Variants in TAF2 observed in about 807,000 individuals in gnomAD.
The protein encoded by TAF2 is TATA-box binding protein associated factor 2, also known as transcription initiation factor TFIID subunit 2.
TAF2 carries 61 observed loss-of-function variants against 138.5 expected under a neutral mutation model. The ratio of observed to expected loss-of-function variants is 0.44; its 90% CI spans 0.36 to 0.54. The LOEUF is 0.54. TAF2 is among the 20% of genes least tolerant of loss of function. TAF2 has a pLI of 0.00. For missense variants in TAF2, 1,090 were observed against 1,427.9 expected, an observed-to-expected ratio of 0.76 and a Z score of 3.81; for synonymous variants, 475 against 469.9, an observed-to-expected ratio of 1.01 and a Z score of -0.14.
In TAF2 at chr8:119,799,899, C is replaced by T. The variant is rs1236699657; in HGVS notation, c.792+1895G>A. Among the ~76,000 whole-genome samples, 30 of 152,270 alleles carry T rather than the reference C, an allele frequency of 2.0e-4. 1 individual carries two copies. Among genetic ancestry groups the T allele is most frequent in the Non-Finnish European group, 3.4e-4 (23 of 68,018 alleles). On this transcript the variant is annotated intron_variant, in intron 6 of 25. Transcript: ENST00000378164. ...GTTTTGATTTGCATTTCTCTGATGG[C>T]CAGTGATGATGAGCATTTTTTCATG...
rs568470659 is a variant in TAF2, at chr8:119,781,187, T to C, written c.2119A>G (p.Asn707Asp). The change falls in exon 17 of 26, where the codon AAT (asparagine) becomes GAT (aspartate). Residue 707 changes from asparagine (N) to aspartate (D), a missense_variant. Asn to Asp is a conservative substitution (Grantham distance 23, BLOSUM62 1). Transcript: ENST00000378164. ...SACFCLAKIA[N>D]SMVSTWTGPP... ...CCTGTCCATGTGCTCACCATTGAAT[T>C]TGCAATCTGCAAATAATTAGAAAAC... The C allele has an allele frequency of 6.8e-6, 11 of 1,613,968 alleles. No individual in the cohort carries two copies. The highest frequency in any genetic ancestry group is 1.3e-5 in the African/African-American group (1 of 74,916).
intron 18 of TAF2, among the ~76,000 whole-genome samples, chr8:119,777,382 C>T (rs2131118498): frequency 6.6e-6 from 1 of 152,164 alleles, no homozygotes; most frequent in South Asian, 2.1e-4. Flanking sequence ...GGTGTAAAAT[C>T]AGACTAATAT....
intron 25 of TAF2, among the ~76,000 whole-genome samples, chr8:119,735,728 T>C (rs1048475341): frequency 3.9e-5 from 6 of 152,200 alleles, no homozygotes; most frequent in Admixed American, 6.6e-5. Flanking sequence ...GACAAAAATA[T>C]TGAGATTATC....
At chr8:119,781,301 A>G in intron 16 of TAF2, 108 bp from the exon 17 acceptor site, 1 of 1,219,492 alleles carries the variant, frequency 8.2e-7, no homozygotes, top group Non-Finnish European at 1.2e-6. Context: ...TGGGTTTTCA[A>G]CAACTTCACT....
intron 2 of TAF2, among the ~76,000 whole-genome samples, chr8:119,820,988 A>G (rs1270679742): frequency 5.3e-5 from 8 of 151,390 alleles, no homozygotes; most frequent in Non-Finnish European, 1.0e-4. Flanking sequence ...CAGCTGAAAG[A>G]TAAGATTTAG....
At position 119,732,084 on chromosome 8, in the gene TAF2, T is replaced by C. The variant is rs1257441521; in HGVS notation, c.3440A>G (p.His1147Arg). The C allele has an allele frequency of 1.9e-6, 3 of 1,614,180 alleles. No individual in the cohort carries two copies. The highest frequency in any genetic ancestry group is 2.5e-6 in the Non-Finnish European group (3 of 1,180,038). ...CTTGTGCTCATGGTGATGGTGGTGA[T>C]GGTGGTCACTGTGTTTGGAGGCTGT... ...ESTASKHSDH[H>R]HHHHHEHKKK... is the part of the protein sequence containing the mutation. The change falls in exon 26 of 26, where the codon CAT becomes CGT. Residue 1147 changes from histidine (H) to arginine (R), a missense_variant. This residue lies in a region of TAF2 where 580 missense variants were observed against 719.6 expected (regional missense o/e 0.81). Transcript: ENST00000378164.
intron 2 of TAF2, among the ~76,000 whole-genome samples, chr8:119,820,417 G>A (rs945762932): frequency 1.3e-5 from 2 of 152,060 alleles, no homozygotes; most frequent in African/African-American, 2.4e-5. Context: ...CCAGGTACCA[G>A]ACATTACACT....
chr8:119,796,810 T>A (rs1425805627), intron 8 of TAF2, among the ~76,000 whole-genome samples, 180 bp downstream of exon 8: 2 of 152,094 alleles, frequency 1.3e-5, no homozygotes, highest in East Asian at 3.8e-4. Context: ...GTGACTATAT[T>A]GATTTCATGG....
At chr8:119,778,544 C>T (rs1350758577) in intron 17 of TAF2, among the ~76,000 whole-genome samples, 1 of 152,212 alleles carries the variant, frequency 6.6e-6, no homozygotes, top group Admixed American at 6.5e-5. Flanking sequence ...CTAAGCTCTA[C>T]TACCTTCTGT....
intron 19 of TAF2, 132 bp downstream of exon 19, chr8:119,762,283 G>T: frequency 2.5e-6 from 2 of 811,904 alleles, no homozygotes; most frequent in Non-Finnish European, 3.8e-6. Context: ...ATTTATCTGT[G>T]GGTGGTAGAA....
rs898673232 is a variant in TAF2, at chr8:119,731,982, A to C, written c.3542T>G (p.Phe1181Cys). 1 of 1,614,224 alleles carries C rather than the reference A, an allele frequency of 6.2e-7. No homozygotes were observed. Among genetic ancestry groups the C allele is most frequent in the Non-Finnish European group, 8.5e-7 (1 of 1,180,044 alleles). ...GCCACTGGCAGGGCTGGAGAAAGTG[A>C]AAGGCTCCTTGTCCTTTTCTTTACT... ...HDSKEKDKEP[F>C]TFSSPASGRS... Residue 1181 changes from phenylalanine (F) to cysteine (C), a missense_variant, in exon 26 of 26, where the codon TTC becomes TGC. Transcript: ENST00000378164.
Position 119,732,144 on chromosome 8 carries a change from G to A in TAF2, c.3380C>T (p.Ala1127Val). 1.2e-6 allele frequency: 2 copies of A among 1,614,188 alleles called. No homozygotes were observed. The highest frequency in any genetic ancestry group is 2.7e-5 in the African/African-American group (2 of 75,050). The change falls in exon 26 of 26, where the codon GCA (alanine) becomes GTA (valine). Residue 1127 changes from alanine to valine, a missense_variant. Around this residue, in one of 3 missense-constraint regions of TAF2, gnomAD observed 580 missense variants for 719.6 expected, o/e 0.81. Coordinates refer to ENST00000378164, the MANE Select transcript of TAF2 (RefSeq NM_003184.4). ...AGTAAAGACTGAGAGTGGAGCGCTT[G>A]CCGCTGGATGCATACTCATCTCCAA... ...APLEMSMHPA[A>V]SAPLSVFTKE... is the part of the protein sequence containing the mutation.
At chr8:119,775,461 G>C (rs1425611813) in intron 18 of TAF2, among the ~76,000 whole-genome samples, 2 of 151,568 alleles carry the variant, frequency 1.3e-5, no homozygotes, top group Non-Finnish European at 2.9e-5. Flanking sequence ...CTAGCACTTT[G>C]AGAGGCCGAG....
chr8:119,737,511 C>CTTTTTT (rs34513662), intron 25 of TAF2, among the ~76,000 whole-genome samples: 6 of 137,354 alleles, frequency 4.4e-5, no homozygotes, highest in African/African-American at 8.0e-5. Context: ...TTTTCTTTTT[C>CTTTTTT]TTTTTTTTTT....
intron 18 of TAF2, among the ~76,000 whole-genome samples, chr8:119,771,313 G>A (rs1821817580): frequency 6.6e-6 from 1 of 151,704 alleles, no homozygotes; most frequent in Non-Finnish European, 1.5e-5. Flanking sequence ...TCGGCTCACT[G>A]CAACCTCCCC....
At chr8:119,823,414 T>C (rs1825909467) in intron 2 of TAF2, among the ~76,000 whole-genome samples, 1 of 152,202 alleles carries the variant, frequency 6.6e-6, no homozygotes, top group South Asian at 2.1e-4. Flanking sequence ...TTCCATGCTA[T>C]TCTCATAAAG....
chr8:119,831,820 CT>C, intron 1 of TAF2, 89 bp from the exon 2 acceptor site: 7 of 903,744 alleles, frequency 7.7e-6, no homozygotes, highest in Non-Finnish European at 1.1e-5. Context: ...TAAATTAGGA[CT>C]ATGTTCTAAG....
At chr8:119,770,523 G>A (rs534534137) in intron 18 of TAF2, among the ~76,000 whole-genome samples, 3 of 152,188 alleles carry the variant, frequency 2.0e-5, no homozygotes, top group Admixed American at 6.5e-5. Flanking sequence ...GAAAAATAAA[G>A]TATTTCCCAG....
intron 2 of TAF2, among the ~76,000 whole-genome samples, chr8:119,831,265 A>G (rs1017449138): frequency 6.6e-6 from 1 of 152,280 alleles, no homozygotes; most frequent in Middle Eastern, 3.4e-3. Flanking sequence ...ACAAAGCAAC[A>G]TCACCTAAAC....
Sources: allele counts gnomAD v4.1 joint callset (sites outside exome capture counted in the v4.1 genomes callset), GRCh38; gene constraint gnomAD v4.1.1; regional missense constraint gnomAD v4.1.1; transcripts MANE v1.5; gene names NCBI Gene and HGNC (gene_info 2026-07-23, HGNC 2026-07-21).